Variants in ZNF143 observed in about 807,000 individuals in gnomAD.
ZNF143 encodes zinc finger protein 143.
In ZNF143, 49 loss-of-function variants were observed where a neutral mutation model predicts 74.1. The observed-to-expected ratio is 0.66, with a 90% CI of 0.53 to 0.84. ZNF143 has a LOEUF of 0.84. ZNF143 is among the 40% of genes least tolerant of loss of function. ZNF143 has a pLI of 0.00. For missense variants in ZNF143, 637 were observed against 793.4 expected (o/e 0.80, Z 2.37); for synonymous variants, 304 against 282.8 (o/e 1.07, Z -0.75).
chr11:9,479,360 CT>C lies in ZNF143; in HGVS notation c.571-104del, dbSNP rs891535837. ...ATAAATGATAATGAAGCCCCATGTA[CT>C]TTTTTTTCTTTTTCTTTTTTTTTGC... On this transcript the variant is annotated intron_variant, in intron 6 of 15. Coordinates refer to ENST00000396602, the MANE Select transcript of ZNF143 (RefSeq NM_003442.6). The C allele has an allele frequency of 7.9e-5, 57 of 719,924 alleles. 1 individual carries two copies. Among genetic ancestry groups the C allele is most frequent in the Admixed American group, 3.9e-4 (12 of 30,448 alleles). 44.6% of individuals were successfully genotyped at this position (719,924 alleles called of 1,614,324 possible). A position where few individuals can be genotyped will look rare whatever the true frequency, so the allele number is the denominator to read the frequency against.
intron 9 of ZNF143, 25 bp downstream of exon 9, chr11:9,496,403 T>A (rs765452412): frequency 6.2e-7 from 1 of 1,610,124 alleles, no homozygotes. Context: ...TTTGTTTTTT[T>A]CTTGGTTCCA....
At chr11:9,511,404 C>G (rs1034816292) in intron 12 of ZNF143, among the ~76,000 whole-genome samples, 1 of 151,808 alleles carries the variant, frequency 6.6e-6, no homozygotes, top group Non-Finnish European at 1.5e-5. Flanking sequence ...TCACACCATT[C>G]TCCTGCCTCA....
chr11:9,494,823 A>G, intron 8 of ZNF143, 58 bp downstream of exon 8: 1 of 1,521,006 alleles, frequency 6.6e-7, no homozygotes, highest in Non-Finnish European at 8.9e-7. Flanking sequence ...ATTAAATACT[A>G]AGATCATATT....
At chr11:9,491,370 C>G (rs1280176432) in intron 7 of ZNF143, among the ~76,000 whole-genome samples, 1 of 151,648 alleles carries the variant, frequency 6.6e-6, no homozygotes, top group Admixed American at 6.6e-5. Context: ...GGCGCGGTGG[C>G]TCACACCTGT....
rs774078186 is a variant in ZNF143, at chr11:9,496,283, T to C, written c.766-20T>C. On this transcript the variant is annotated intron_variant, in intron 8 of 15. Transcript: ENST00000396602. ...GGAATACGTAAAGGAAATAGAATCA[T>C]GCCTGCATTTTAATCACAGGTCCAT... The C allele has an allele frequency of 3.1e-6, 5 of 1,612,038 alleles. No homozygotes were observed. The highest frequency in any genetic ancestry group is 2.7e-5 in the African/African-American group (2 of 74,904).
At chr11:9,492,397 G>A (rs1847816330) in intron 7 of ZNF143, among the ~76,000 whole-genome samples, 1 of 152,042 alleles carries the variant, frequency 6.6e-6, no homozygotes, top group South Asian at 2.1e-4. Flanking sequence ...ACAGTCATGA[G>A]CCACTGCACC....
intron 12 of ZNF143, among the ~76,000 whole-genome samples, chr11:9,509,159 A>G (rs1848457847): frequency 1.3e-5 from 2 of 152,204 alleles, no homozygotes; most frequent in Admixed American, 6.5e-5. Flanking sequence ...GAATGTTCCA[A>G]ATAGAGAGAA....
chr11:9,461,851 G>A (rs890658267), intron 1 of ZNF143: 14 of 152,272 alleles, frequency 9.2e-5, no homozygotes, highest in African/African-American at 2.9e-4. Context: ...TTAAAAAGAG[G>A]AAAGAAGAAT....
At chr11:9,523,658 C>T (rs1464512646) in intron 14 of ZNF143, among the ~76,000 whole-genome samples, 2 of 150,582 alleles carry the variant, frequency 1.3e-5, no homozygotes, top group African/African-American at 2.4e-5. Context: ...GGCGTGAACC[C>T]GGGAGGCGGA....
At chr11:9,499,539 A>G (rs1848082006) in intron 10 of ZNF143, among the ~76,000 whole-genome samples, 1 of 152,222 alleles carries the variant, frequency 6.6e-6, no homozygotes, top group Admixed American at 6.5e-5. Context: ...TCATTTGACC[A>G]AAAGAAAAAC....
intron 7 of ZNF143, among the ~76,000 whole-genome samples, chr11:9,484,799 G>GTTTTTTTT (rs1316309780): frequency 5.0e-4 from 12 of 24,238 alleles, no homozygotes; most frequent in African/African-American, 7.7e-4. Context: ...CCTGGCCAAA[G>GTTTTTTTT]ATTTTTTTTT....
chr11:9,527,685 GGCCC>G lies in ZNF143; in HGVS notation c.*73_*76del. ...TGGCAGCAGAAATCCATGAAGCCCGGGCCCAGGAAAATTAGAAGTTTTCCATTCC... is the reference window on the plus strand; with the variant it reads ...TGGCAGCAGAAATCCATGAAGCCCGGAGGAAAATTAGAAGTTTTCCATTCC... On this transcript the variant is annotated 3_prime_UTR_variant, in exon 16 of 16. Transcript: ENST00000396602. 1 of 1,444,484 alleles carries G rather than the reference GGCCC, an allele frequency of 6.9e-7. No homozygotes were observed. The highest frequency in any genetic ancestry group is 9.6e-7 in the Non-Finnish European group (1 of 1,037,654). 89.5% of individuals were successfully genotyped at this position (1,444,484 alleles called of 1,614,324 possible).
At chr11:9,468,153 A>T (rs1255543476) in intron 1 of ZNF143, among the ~76,000 whole-genome samples, 5 of 152,142 alleles carry the variant, frequency 3.3e-5, no homozygotes, top group Non-Finnish European at 5.9e-5. Context: ...GGGCATGCTT[A>T]CCAAACTGCT....
At chr11:9,497,645 A>C in intron 9 of ZNF143, 30 bp from the exon 10 acceptor site, 3 of 1,539,582 alleles carry the variant, frequency 1.9e-6, no homozygotes, top group Non-Finnish European at 2.7e-6. Flanking sequence ...AGTATTGTGT[A>C]ATTAAATTTC....
Position 9,522,496 on chromosome 11 carries a change from T to G in ZNF143, c.1687-2744T>G, listed in dbSNP as rs574247135. ...TTGCTGGGAATCTATTTGGCTTTTT[T>G]GTTTTTTGTTTTTTTGAGACAGTTT... On this transcript the variant is annotated intron_variant, in intron 14 of 15. Transcript: ENST00000396602. Among the ~76,000 whole-genome samples, 9 of 152,358 alleles carry G rather than the reference T, an allele frequency of 5.9e-5. No homozygotes were observed. In the South Asian group the frequency reaches 1.2e-3, roughly 21 times the overall value.
Position 9,496,585 on chromosome 11 carries a change from TTTTC to T in ZNF143, c.841+211_841+214del, listed in dbSNP as rs370056572. On this transcript the variant is annotated intron_variant, in intron 9 of 15. Coordinates refer to ENST00000396602, the MANE Select transcript of ZNF143 (RefSeq NM_003442.6). ...CACTGACCTGTCTCTGCCTGCTGTG[TTTTC>T]TTTTTCTTTTTCTTTTTCTTTTTTT... Among the ~76,000 whole-genome samples, 86 of 141,146 alleles carry T rather than the reference TTTTC, an allele frequency of 6.1e-4. No homozygotes were observed. The East Asian group carries it at 0.017, about 27-fold the overall frequency. The allele number at this position is 141,146 out of a possible 152,430, so 92.6% of individuals were successfully genotyped here. A position where few individuals can be genotyped will look rare whatever the true frequency, so the allele number is the denominator to read the frequency against.
At chr11:9,494,589 G>A in intron 7 of ZNF143, 57 bp from the exon 8 acceptor site, 1 of 1,558,214 alleles carries the variant, frequency 6.4e-7, no homozygotes, top group Non-Finnish European at 8.7e-7. Flanking sequence ...AAGATTACTG[G>A]CATGAGCCAC....
In ZNF143 at chr11:9,509,288, C is replaced by T. The variant is rs573293970; in HGVS notation, c.1375+442C>T. ...GGTGATATGAAACAAGGCTGGAGAG[C>T]GAGGCAGGGGCAGCCAGCCTGTTTG... On this transcript the variant is annotated intron_variant, in intron 12 of 15. Transcript: ENST00000396602. Among the ~76,000 whole-genome samples the T allele has an allele frequency of 5.3e-5, 8 of 152,266 alleles. No homozygotes were observed. In the South Asian group the frequency reaches 1.5e-3, roughly 28 times the overall value.
chr11:9,520,787 AAAAAAAT>A (rs1367697565), intron 14 of ZNF143, among the ~76,000 whole-genome samples: 193 of 152,346 alleles, frequency 1.3e-3, no homozygotes, highest in African/African-American at 3.9e-3. Flanking sequence ...ACTCCGTCTC[AAAAAAAT>A]AAAAAATAAA....
Sources: allele counts gnomAD v4.1 joint callset (sites outside exome capture counted in the v4.1 genomes callset), GRCh38; gene constraint gnomAD v4.1.1; transcripts MANE v1.5; gene names NCBI Gene and HGNC (gene_info 2026-07-23, HGNC 2026-07-21).